YAP1: variants seen among roughly 807,000 people sequenced by gnomAD.
The protein encoded by YAP1 is transcriptional coactivator YAP1.
A neutral mutation model predicts 56.9 loss-of-function variants in YAP1; 5 were observed. That is an observed-to-expected ratio of 0.09 (90% confidence interval 0.05 to 0.18). YAP1 has a LOEUF of 0.18. Ranked by LOEUF, YAP1 falls within the 10% of genes least tolerant of loss-of-function variation. YAP1 has a pLI of 1.00. For missense variants in YAP1, 539 were observed against 651.8 expected (o/e 0.83, Z 1.88); for synonymous variants, 265 against 248.1 (o/e 1.07, Z -0.64).
Position 102,189,062 on chromosome 11 carries a change from C to CT in YAP1, c.802+2938dup, listed in dbSNP as rs139512789. ...TTATTGAGTTTTAAGAAAAATAGGGCTTTTTTTGTTTGTTTTTTTAAGGAG... is the reference window on the plus strand; with the variant it reads ...TTATTGAGTTTTAAGAAAAATAGGGCTTTTTTTTGTTTGTTTTTTTAAGGAG... On this transcript the variant is annotated intron_variant, in intron 4 of 8. Transcript: ENST00000282441. Among the ~76,000 whole-genome samples the CT allele has an allele frequency of 2.0e-5, 3 of 151,350 alleles. No homozygotes were observed. The East Asian group carries it at 5.8e-4, about 29-fold the overall frequency.
intron 6 of YAP1, among the ~76,000 whole-genome samples, chr11:102,216,030 A>T (rs7131529): frequency 0.05 from 7,582 of 152,262 alleles, 596 homozygotes; most frequent in African/African-American, 0.17. Context: ...ACACTCAGAT[A>T]ACAAAGGTTT....
intron 4 of YAP1, among the ~76,000 whole-genome samples, chr11:102,192,946 G>T (rs1429490593): frequency 6.6e-6 from 1 of 152,104 alleles, no homozygotes; most frequent in Non-Finnish European, 1.5e-5. Flanking sequence ...GGAAGTGCTG[G>T]GCTGAATAGT....
At chr11:102,209,666 T>C (rs1471736744) in intron 6 of YAP1, 102 bp downstream of exon 6, 3 of 1,059,848 alleles carry the variant, frequency 2.8e-6, no homozygotes, top group Non-Finnish European at 4.0e-6. Context: ...TATTGGACAT[T>C]AGCCCAGAGA....
At chr11:102,174,682 A>G (rs1947130631) in intron 3 of YAP1, among the ~76,000 whole-genome samples, 1 of 152,190 alleles carries the variant, frequency 6.6e-6, no homozygotes, top group Admixed American at 6.5e-5. Context: ...ATAGGCTCTT[A>G]ATCATGTCAG....
chr11:102,223,155 G>A (rs1950026663), intron 6 of YAP1, among the ~76,000 whole-genome samples: 2 of 151,660 alleles, frequency 1.3e-5, no homozygotes, highest in South Asian at 4.2e-4. Context: ...GGCTGAGGCA[G>A]GAGAATCACT....
chr11:102,228,281 A>G (rs897247488), intron 8 of YAP1, among the ~76,000 whole-genome samples: 1 of 151,994 alleles, frequency 6.6e-6, no homozygotes, highest in African/African-American at 2.4e-5. Flanking sequence ...CTTAAGTGTT[A>G]TGGGGCTCAG....
chr11:102,152,435 C>T (rs1416866984), intron 2 of YAP1, among the ~76,000 whole-genome samples: 1 of 152,154 alleles, frequency 6.6e-6, no homozygotes, highest in African/African-American at 2.4e-5. Flanking sequence ...GTAGATTCGC[C>T]TCGATTTGAG....
In YAP1 at chr11:102,231,636, A is replaced by G. The variant is rs780950232; in HGVS notation, c.*1696A>G. On this transcript the variant is annotated 3_prime_UTR_variant, in exon 9 of 9. Coordinates refer to ENST00000282441, the MANE Select transcript of YAP1 (RefSeq NM_001130145.3). ...TATTTTTTAAAGGAACAAAACGAGC[A>G]TGAATTAACTCTTCAATATAAGCTA... is the stretch of plus-strand genomic sequence containing the variant. 6.6e-6 allele frequency: 1 copy of G among 152,544 alleles called. No homozygotes were observed. The highest frequency in any genetic ancestry group is 1.5e-5 in the Non-Finnish European group (1 of 68,036). 9.4% of individuals were successfully genotyped at this position (152,544 alleles called of 1,614,324 possible). A position where few individuals can be genotyped will look rare whatever the true frequency, so the allele number is the denominator to read the frequency against.
chr11:102,215,035 G>GCATTTACATGCCATT (rs1176524532), intron 6 of YAP1, among the ~76,000 whole-genome samples: 2 of 152,062 alleles, frequency 1.3e-5, no homozygotes, highest in African/African-American at 4.8e-5. Flanking sequence ...AACTGCTTTG[G>GCATTTACATGCCATT]TAAATGGCAT....
At chr11:102,220,898 T>C (rs1353432179) in intron 6 of YAP1, among the ~76,000 whole-genome samples, 1 of 152,220 alleles carries the variant, frequency 6.6e-6, no homozygotes, top group Admixed American at 6.5e-5. Context: ...ATGGGTTTTA[T>C]GCATGGAGGT....
At chr11:102,229,461 T>C (rs541872968) in intron 8 of YAP1, among the ~76,000 whole-genome samples, 57 of 152,330 alleles carry the variant, frequency 3.7e-4, no homozygotes, top group African/African-American at 1.2e-3. Flanking sequence ...ACTCCTTTAG[T>C]GCTCAGCACA....
chr11:102,191,918 C>T (rs1160042042), intron 4 of YAP1, among the ~76,000 whole-genome samples: 1 of 152,152 alleles, frequency 6.6e-6, no homozygotes, highest in African/African-American at 2.4e-5. Context: ...AAGCAGTCTA[C>T]CTGCCTCTAC....
chr11:102,226,124 C>G (rs1950182777), intron 7 of YAP1, among the ~76,000 whole-genome samples: 1 of 152,206 alleles, frequency 6.6e-6, no homozygotes, highest in Non-Finnish European at 1.5e-5. Flanking sequence ...AGAGTGATGA[C>G]TAGGACCAGG....
chr11:102,179,493 C>T (rs567164107), intron 3 of YAP1, among the ~76,000 whole-genome samples: 10 of 152,154 alleles, frequency 6.6e-5, no homozygotes, highest in Non-Finnish European at 1.0e-4. Flanking sequence ...AAAAACGAAG[C>T]GAACTGCTTA....
chr11:102,213,097 T>TA (rs1432049500), intron 6 of YAP1, among the ~76,000 whole-genome samples: 6 of 152,250 alleles, frequency 3.9e-5, no homozygotes, highest in Non-Finnish European at 8.8e-5. Flanking sequence ...GAATGCACTC[T>TA]AGCTTCTGTT....
chr11:102,129,197 T>G (rs1308442274), intron 2 of YAP1, among the ~76,000 whole-genome samples: 1 of 152,218 alleles, frequency 6.6e-6, no homozygotes, highest in Non-Finnish European at 1.5e-5. Flanking sequence ...AAAAGTAGCC[T>G]GTGTTCAGTC....
At chr11:102,187,489 A>G (rs550399417) in intron 4 of YAP1, among the ~76,000 whole-genome samples, 136 of 152,326 alleles carry the variant, frequency 8.9e-4, no homozygotes, top group African/African-American at 3.1e-3. Context: ...AATGCGGCCA[A>G]TTGTTTGGAC....
At chr11:102,213,752 T>C (rs1398990697) in intron 6 of YAP1, among the ~76,000 whole-genome samples, 1 of 152,144 alleles carries the variant, frequency 6.6e-6, no homozygotes, top group African/African-American at 2.4e-5. Flanking sequence ...GTTTTAAGGC[T>C]TAGGGTGAGA....
chr11:102,122,895 C>CAAAAAAAAAAAAAAAAA (rs56934997), intron 2 of YAP1, among the ~76,000 whole-genome samples: 7 of 79,454 alleles, frequency 8.8e-5, no homozygotes, highest in South Asian at 4.4e-4. Flanking sequence ...AGACTTCTCT[C>CAAAAAAAAAAAAAAAAA]AAAAAAAAAA....
Sources: allele counts gnomAD v4.1 joint callset (sites outside exome capture counted in the v4.1 genomes callset), GRCh38; gene constraint gnomAD v4.1.1; transcripts MANE v1.5; gene names NCBI Gene and HGNC (gene_info 2026-07-23, HGNC 2026-07-21).